Variants in XPO4 observed in about 807,000 individuals in gnomAD.
The protein encoded by XPO4 is exportin-4.
Under a neutral mutation model 143.0 loss-of-function variants are expected in XPO4, and 39 were observed. The observed-to-expected ratio is 0.27, with a 90% CI of 0.21 to 0.36. XPO4 has a LOEUF of 0.36. XPO4 is among the 10% of genes least tolerant of loss of function. XPO4 has a pLI of 1.00. For synonymous variants in XPO4, 439 were observed against 474.0 expected (o/e 0.93, Z 0.96); for missense variants, 907 against 1,348.0 (o/e 0.67, Z 5.12).
At chr13:20,810,609 T>TA (rs2059569524) in intron 9 of XPO4, among the ~76,000 whole-genome samples, 1 of 152,212 alleles carries the variant, frequency 6.6e-6, no homozygotes, top group Non-Finnish European at 1.5e-5. Flanking sequence ...TCACTGCAGT[T>TA]AGTTTTTCTT....
intron 3 of XPO4, chr13:20,856,840 T>A (rs1334709062): frequency 1.0e-6 from 1 of 985,212 alleles, no homozygotes; most frequent in Non-Finnish European, 1.2e-6. Flanking sequence ...TCTCCCAAGA[T>A]TATGACGTCA....
rs770958190 is a variant in XPO4 at position 20,862,763 on chromosome 13, C to T, written c.271G>A (p.Glu91Lys). Residue 91 changes from glutamate (E) to lysine (K), a missense_variant, in exon 3 of 23, where the codon GAG (glutamate) becomes AAG (lysine). Glu to Lys is a moderately conservative substitution (Grantham distance 56, BLOSUM62 1). Transcript: ENST00000255305. The stretch of plus-strand genomic sequence containing the variant: ...GTTAAAAGGAATGTTCGCAGAGACT[C>T]GATGCTACCTTTTTCCAAGAGAATC... ...EWILLEKGSIESLRTFLLTYV... is the reference protein window; with the variant it reads ...EWILLEKGSIKSLRTFLLTYV... The T allele has an allele frequency of 1.9e-6, 3 of 1,614,018 alleles. No homozygotes were observed. The highest frequency in any genetic ancestry group is 1.6e-4 in the Middle Eastern group (1 of 6,084).
rs1396605096 is a variant in XPO4 at position 20,777,746 on chromosome 13, GTTCA to G, written c.*5972_*5975del. 1 of 152,124 alleles carries G rather than the reference GTTCA, an allele frequency of 6.6e-6. No individual in the cohort carries two copies. Among genetic ancestry groups the G allele is most frequent in the Non-Finnish European group, 1.5e-5 (1 of 67,998 alleles). 9.4% of individuals were successfully genotyped at this position (152,124 alleles called of 1,614,324 possible). On this transcript the variant is annotated 3_prime_UTR_variant, in exon 23 of 23. Transcript: ENST00000255305. ...TGTTTAGCAGATCCTATTTGCTTTT[GTTCA>G]TTCATCATCTCTGGGAAACATCAAT... is the stretch of plus-strand genomic sequence containing the variant.
rs990136908 is a variant in XPO4, at chr13:20,837,636, T to A, written c.727+5259A>T. Among the ~76,000 whole-genome samples, 5 of 152,124 alleles carry A rather than the reference T, an allele frequency of 3.3e-5. No homozygotes were observed. The South Asian group carries it at 1.0e-3, about 32-fold the overall frequency. On this transcript the variant is annotated intron_variant, in intron 6 of 22. Transcript: ENST00000255305. ...GCTGTTGATAAACACATACCCGAGA[T>A]TGAGCAATTTACAAAAGAAAGAGAT...
At chr13:20,870,729 C>CAA (rs35888695) in intron 1 of XPO4, among the ~76,000 whole-genome samples, 1,700 of 137,504 alleles carry the variant, frequency 0.012, 22 homozygotes, top group African/African-American at 0.037. Context: ...GACTCTGCCT[C>CAA]AAAAAAAAAA....
chr13:20,796,378 C>T, intron 17 of XPO4, 122 bp from the exon 18 acceptor site: 2 of 735,434 alleles, frequency 2.7e-6, no homozygotes, highest in Non-Finnish European at 3.9e-6. Context: ...TTGCTTTAAA[C>T]TACATTAAAA....
At chr13:20,831,209 CACT>C (rs1200914591) in intron 6 of XPO4, among the ~76,000 whole-genome samples, 5 of 151,998 alleles carry the variant, frequency 3.3e-5, no homozygotes, top group African/African-American at 9.7e-5. Flanking sequence ...AGAAATCTAG[CACT>C]ACTATTCTTA....
chr13:20,880,598 C>G (rs923455200), intron 1 of XPO4, among the ~76,000 whole-genome samples: 4 of 152,140 alleles, frequency 2.6e-5, no homozygotes, highest in Non-Finnish European at 4.4e-5. Flanking sequence ...CCAATGTTCA[C>G]TAAAGAATGA....
chr13:20,798,007 G>A (rs949135708), intron 16 of XPO4, among the ~76,000 whole-genome samples: 1 of 152,090 alleles, frequency 6.6e-6, no homozygotes, highest in African/African-American at 2.4e-5. Context: ...AGCCAGGCAT[G>A]GTGGTGCGCA....
At chr13:20,825,958 A>C (rs1297733359) in intron 7 of XPO4, among the ~76,000 whole-genome samples, 1 of 152,194 alleles carries the variant, frequency 6.6e-6, no homozygotes, top group South Asian at 2.1e-4. Flanking sequence ...AAATGGTTCA[A>C]TCAGAAAAAG....
At position 20,799,352 on chromosome 13, in the gene XPO4, A is replaced by G. The variant is rs1566565121; in HGVS notation, c.2148-13T>C. Reference sequence around the variant, plus strand: ...TACTAAGTTTGCCCTACAGGTAGAAATAACAAAACATAAGATGTATTACTA... The same window carrying G: ...TACTAAGTTTGCCCTACAGGTAGAAGTAACAAAACATAAGATGTATTACTA... On this transcript the variant is annotated splice_polypyrimidine_tract_variant and intron_variant, in intron 15 of 22. Coordinates refer to ENST00000255305, the MANE Select transcript of XPO4 (RefSeq NM_022459.5). The G allele has an allele frequency of 6.2e-7, 1 of 1,609,328 alleles. No homozygotes were observed. The highest frequency in any genetic ancestry group is 1.1e-5 in the South Asian group (1 of 90,644).
intron 5 of XPO4, 71 bp downstream of exon 5, chr13:20,843,699 G>T: frequency 9.3e-7 from 1 of 1,078,950 alleles, no homozygotes. Context: ...ATATTCTCAT[G>T]TCATTAGGAA....
chr13:20,828,624 A>G (rs2059816212), intron 6 of XPO4, among the ~76,000 whole-genome samples: 1 of 152,122 alleles, frequency 6.6e-6, no homozygotes. Flanking sequence ...GTCACCCCCA[A>G]AATCTTCTGC....
intron 1 of XPO4, chr13:20,879,296 G>A (rs553141063): frequency 1.0e-6 from 1 of 985,296 alleles, no homozygotes; most frequent in African/African-American, 1.7e-5. Context: ...GGAAGGAGGG[G>A]GACCAGGGAA....
chr13:20,828,620 C>T (rs1319016348), intron 6 of XPO4, among the ~76,000 whole-genome samples: 1 of 152,028 alleles, frequency 6.6e-6, no homozygotes, highest in Non-Finnish European at 1.5e-5. Flanking sequence ...AAAAGTCACC[C>T]CCAAAATCTT....
chr13:20,833,971 TTTGC>T (rs2059884617), intron 6 of XPO4, among the ~76,000 whole-genome samples: 2 of 152,150 alleles, frequency 1.3e-5, no homozygotes, highest in Admixed American at 1.3e-4. Flanking sequence ...GGACACTTTC[TTTGC>T]ACAACAGTGA....
intron 19 of XPO4, among the ~76,000 whole-genome samples, chr13:20,789,278 T>C (rs921299231): frequency 2.0e-5 from 3 of 152,110 alleles, no homozygotes; most frequent in African/African-American, 2.4e-5. Context: ...TTGTTTCCAA[T>C]AGTTAGAGAC....
At position 20,896,845 on chromosome 13, in the gene XPO4, T is replaced by G. The variant is rs570572685; in HGVS notation, c.69+5825A>C. On this transcript the variant is annotated intron_variant, in intron 1 of 22. Transcript: ENST00000255305. ...TTCAGATAACTATTTGTTATCATAT[T>G]GAGAATTCCCTTCAATTCCTAGTTT... Among the ~76,000 whole-genome samples, 584 of 152,338 alleles carry G rather than the reference T, an allele frequency of 3.8e-3. 4 individuals are homozygous for G. Among genetic ancestry groups the G allele is most frequent in the Middle Eastern group, 0.01 (3 of 294 alleles).
intron 22 of XPO4, among the ~76,000 whole-genome samples, chr13:20,784,784 A>G (rs1283092072): frequency 6.6e-6 from 1 of 152,136 alleles, no homozygotes; most frequent in Non-Finnish European, 1.5e-5. Flanking sequence ...CTCTACAAAA[A>G]ATTTAAAAAT....
Sources: gnomAD v4.1 joint callset for allele counts (sites outside exome capture counted in the v4.1 genomes callset) on GRCh38, gnomAD v4.1.1 for gene constraint, MANE v1.5 for transcripts, NCBI Gene and HGNC (gene_info 2026-07-23, HGNC 2026-07-21) for gene names.